Variants in CACNG3 observed in about 807,000 individuals in gnomAD.
CACNG3 encodes voltage-dependent calcium channel gamma-3 subunit.
Under a neutral mutation model 28.5 loss-of-function variants are expected in CACNG3, and 3 were observed. That is an observed-to-expected ratio of 0.11 (90% CI 0.05 to 0.27). The LOEUF (loss-of-function observed/expected upper bound fraction) is 0.27. Ranked by LOEUF, CACNG3 falls within the 10% of genes least tolerant of loss-of-function variation. CACNG3 has a pLI of 1.00. For missense variants in CACNG3, 236 were observed against 414.4 expected (o/e 0.57, Z 3.74); for synonymous variants, 174 against 162.2 (o/e 1.07, Z -0.55).
chr16:24,285,984 C>A (rs1451410938), intron 1 of CACNG3, among the ~76,000 whole-genome samples: 1 of 152,168 alleles, frequency 6.6e-6, no homozygotes, highest in South Asian at 2.1e-4. Flanking sequence ...GCTGGGACCA[C>A]AGGCGCATGC....
At position 24,361,440 on chromosome 16, in the gene CACNG3, T is replaced by C. The variant is rs1900100712; in HGVS notation, c.525T>C (p.Tyr175=). ...GTGACTCCAAAAAAAGTTACTCCTATGGTTGGTCCTTTTATTTCGGAGCCT... is the reference window on the plus strand; with the variant it reads ...GTGACTCCAAAAAAAGTTACTCCTACGGTTGGTCCTTTTATTTCGGAGCCT... ...GQRDSKKSYS[Y]GWSFYFGAFS... Residue 175 remains tyrosine (Y), a synonymous_variant, in exon 4 of 4, where the codon TAT becomes TAC. Transcript: ENST00000005284. This position sits in a 1 kb window ranked among gnomAD's most constrained non-coding sequence, Gnocchi z 6.8. The C allele has an allele frequency of 6.2e-7, 1 of 1,614,190 alleles. No homozygotes were observed. Among genetic ancestry groups the C allele is most frequent in the African/African-American group, 1.3e-5 (1 of 75,054 alleles).
At chr16:24,313,134 G>A (rs1021256295) in intron 1 of CACNG3, among the ~76,000 whole-genome samples, 2 of 144,844 alleles carry the variant, frequency 1.4e-5, no homozygotes, top group Non-Finnish European at 3.0e-5. Context: ...AGTAAGCACT[G>A]AATAAATAGT....
intron 3 of CACNG3, among the ~76,000 whole-genome samples, chr16:24,356,623 G>A (rs181276660): frequency 6.6e-6 from 1 of 152,038 alleles, no homozygotes; most frequent in Admixed American, 6.5e-5. Context: ...GATTGCTAGA[G>A]CCCGGGAGGT....
chr16:24,315,497 CT>C (rs1899336933), intron 1 of CACNG3, among the ~76,000 whole-genome samples: 1 of 145,118 alleles, frequency 6.9e-6, no homozygotes, highest in South Asian at 2.3e-4. Flanking sequence ...CTTTCTTTTC[CT>C]GCTTTCTTTC....
intron 1 of CACNG3, among the ~76,000 whole-genome samples, chr16:24,276,336 G>A (rs934409604): frequency 2.6e-5 from 4 of 152,030 alleles, no homozygotes; most frequent in Non-Finnish European, 4.4e-5. Context: ...TTTTAGGGGG[G>A]TTTTAATTTC....
intron 1 of CACNG3, among the ~76,000 whole-genome samples, chr16:24,308,831 A>G (rs1227790066): frequency 2.2e-5 from 3 of 135,970 alleles, no homozygotes; most frequent in Non-Finnish European, 4.7e-5. Context: ...TGGAGTGAGA[A>G]CCTACCTCAA....
intron 1 of CACNG3, among the ~76,000 whole-genome samples, chr16:24,267,624 A>G (rs1002893182): frequency 6.6e-6 from 1 of 151,866 alleles, no homozygotes; most frequent in African/African-American, 2.4e-5. Context: ...CTTAACAAAC[A>G]CCTTCTATGT....
intron 2 of CACNG3, among the ~76,000 whole-genome samples, chr16:24,349,486 C>A (rs1008734485): frequency 6.6e-6 from 1 of 152,078 alleles, no homozygotes; most frequent in East Asian, 1.9e-4. Context: ...AAACAGGAGG[C>A]GAATTATTCA....
At chr16:24,265,797 C>A (rs1898602277) in intron 1 of CACNG3, among the ~76,000 whole-genome samples, 1 of 152,146 alleles carries the variant, frequency 6.6e-6, no homozygotes. Flanking sequence ...TGTTTTATTT[C>A]TTGTCATTTA....
At chr16:24,282,256 C>T (rs1360644693) in intron 1 of CACNG3, among the ~76,000 whole-genome samples, 1 of 152,134 alleles carries the variant, frequency 6.6e-6, no homozygotes. Flanking sequence ...GACTAGAATC[C>T]TATGGCCGCC....
At chr16:24,353,139 C>A (rs576086401) in intron 2 of CACNG3, among the ~76,000 whole-genome samples, 2 of 152,238 alleles carry the variant, frequency 1.3e-5, no homozygotes, top group East Asian at 3.9e-4. Context: ...CCATGCCCAG[C>A]TGATTTTTGT....
At chr16:24,324,697 G>A (rs935698897) in intron 1 of CACNG3, among the ~76,000 whole-genome samples, 1 of 152,080 alleles carries the variant, frequency 6.6e-6, no homozygotes, top group African/African-American at 2.4e-5. Flanking sequence ...CTCCTCAGTG[G>A]CCCATGTGCT....
intron 1 of CACNG3, among the ~76,000 whole-genome samples, chr16:24,302,270 T>G (rs1899123105): frequency 1.3e-5 from 2 of 152,098 alleles, no homozygotes. Context: ...TCCAACAGCT[T>G]CCCCTGGGTC....
At chr16:24,266,595 G>C (rs1033381946) in intron 1 of CACNG3, among the ~76,000 whole-genome samples, 13 of 152,220 alleles carry the variant, frequency 8.5e-5, no homozygotes, top group African/African-American at 3.1e-4. Context: ...AAGAACAGAG[G>C]AGCCAGTGAG....
intron 1 of CACNG3, among the ~76,000 whole-genome samples, chr16:24,287,304 G>A (rs1898907128): frequency 6.6e-6 from 1 of 151,996 alleles, no homozygotes; most frequent in Non-Finnish European, 1.5e-5. Flanking sequence ...GATCACTTGA[G>A]GCCAGGAATT....
intron 1 of CACNG3, among the ~76,000 whole-genome samples, chr16:24,265,283 G>T (rs898817586): frequency 6.8e-6 from 1 of 146,350 alleles, no homozygotes; most frequent in Non-Finnish European, 1.5e-5. Flanking sequence ...AGGAAGGAAG[G>T]AAGGGAGGAA....
rs1436189488 is a variant in CACNG3 at position 24,351,558 on chromosome 16, G to A, written c.296-3275G>A. 6.2e-5 allele frequency among the ~76,000 whole-genome samples: 8 copies of A among 129,794 alleles called. No homozygotes were observed. The South Asian group carries it at 1.1e-3, about 18-fold the overall frequency. The allele number at this position is 129,794 out of a possible 152,430, so 85.1% of individuals were successfully genotyped here. On this transcript the variant is annotated intron_variant, in intron 2 of 3. Coordinates refer to ENST00000005284, the MANE Select transcript of CACNG3 (RefSeq NM_006539.4). ...TGCACTCCAACCTGGGTGACAGAGC[G>A]AGACTCCATCAAAAAAGGGAAGGGA...
intron 1 of CACNG3, among the ~76,000 whole-genome samples, chr16:24,274,696 A>C (rs1027189642): frequency 1.5e-4 from 23 of 152,316 alleles, no homozygotes; most frequent in African/African-American, 4.6e-4. Context: ...CTTAAGGAAT[A>C]GATGTTCTAG....
intron 1 of CACNG3, among the ~76,000 whole-genome samples, chr16:24,320,529 T>C (rs1899442335): frequency 6.6e-6 from 1 of 152,134 alleles, no homozygotes; most frequent in Non-Finnish European, 1.5e-5. Context: ...TTGTGGACCT[T>C]AGAAATAATG....
Sources: allele counts gnomAD v4.1 joint callset (sites outside exome capture counted in the v4.1 genomes callset), GRCh38; gene constraint gnomAD v4.1.1; non-coding constraint Gnocchi (gnomAD v3.1); transcripts MANE v1.5; gene names NCBI Gene and HGNC (gene_info 2026-07-23, HGNC 2026-07-21).